Variants in ASIC2 observed in about 807,000 individuals in gnomAD.
ASIC2 encodes the protein acid sensing ion channel subunit 2.
A neutral mutation model predicts 57.3 loss-of-function variants in ASIC2; 25 were observed. The ratio of observed to expected loss-of-function variants is 0.44; its 90% CI spans 0.32 to 0.61. ASIC2 has a LOEUF of 0.61. Ranked by LOEUF, ASIC2 falls within the 20% of genes least tolerant of loss-of-function variation. The pLI is 0.06. For missense variants in ASIC2, 641 were observed against 738.1 expected (o/e 0.87, Z 1.52); for synonymous variants, 319 against 307.5 (o/e 1.04, Z -0.39).
At chr17:33,644,165 T>C (rs756415839) in intron 1 of ASIC2, among the ~76,000 whole-genome samples, 20 of 152,202 alleles carry the variant, frequency 1.3e-4, no homozygotes, top group Non-Finnish European at 2.6e-4. Context: ...AACTATGGGC[T>C]CGGGCAAGCC....
Position 33,860,731 on chromosome 17 carries a change from T to C in ASIC2, c.555+295247A>G, listed in dbSNP as rs547391169. The stretch of plus-strand genomic sequence containing the variant: ...TAGCATGAATTGATTCTTTCACAGA[T>C]ATATTTTTGCTGCCATTATGAAGCT... On this transcript the variant is annotated intron_variant, in intron 1 of 9. Transcript: ENST00000359872. 3.0e-4 allele frequency among the ~76,000 whole-genome samples: 45 copies of C among 152,350 alleles called. No homozygotes were observed. The South Asian group carries it at 7.7e-3, about 26-fold the overall frequency.
chr17:33,118,669 T>C (rs1185838825), intron 1 of ASIC2, among the ~76,000 whole-genome samples: 1 of 152,110 alleles, frequency 6.6e-6, no homozygotes, highest in Non-Finnish European at 1.5e-5. Context: ...AAACTTCTTA[T>C]TTTGCACCTG....
intron 1 of ASIC2, among the ~76,000 whole-genome samples, chr17:33,447,230 T>A (rs1912058878): frequency 6.6e-6 from 1 of 152,034 alleles, no homozygotes; most frequent in Non-Finnish European, 1.5e-5. Flanking sequence ...TTGAGGTGGG[T>A]GGCCGGACCT....
rs973764605 is a variant in ASIC2, at chr17:33,840,051, C to T, written c.555+315927G>A. Reference sequence around the variant, plus strand: ...CTGATATGCTCTTTTAGTCCTTCAACACCTGCATAAACTGTTTCTTCTATT... The same window carrying T: ...CTGATATGCTCTTTTAGTCCTTCAATACCTGCATAAACTGTTTCTTCTATT... On this transcript the variant is annotated intron_variant, in intron 1 of 9. Transcript: ENST00000359872. 3.3e-5 allele frequency among the ~76,000 whole-genome samples: 5 copies of T among 152,346 alleles called. No individual in the cohort carries two copies. The East Asian group carries it at 9.6e-4, about 29-fold the overall frequency.
intron 1 of ASIC2, among the ~76,000 whole-genome samples, chr17:33,218,612 A>G (rs1490895102): frequency 2.0e-5 from 3 of 150,274 alleles, no homozygotes; most frequent in Non-Finnish European, 3.0e-5. Flanking sequence ...TATCATTATT[A>G]TAAGTTGAGC....
At chr17:33,695,560 T>A (rs1908498960) in intron 1 of ASIC2, among the ~76,000 whole-genome samples, 1 of 152,260 alleles carries the variant, frequency 6.6e-6, no homozygotes, top group African/African-American at 2.4e-5. Flanking sequence ...TTCAGAAATC[T>A]GGCAAGCTGA....
chr17:33,894,894 G>A (rs1004587976), intron 1 of ASIC2, among the ~76,000 whole-genome samples: 1 of 152,102 alleles, frequency 6.6e-6, no homozygotes, highest in Non-Finnish European at 1.5e-5. Flanking sequence ...GATAAACATT[G>A]TCTGCACTCC....
intron 1 of ASIC2, among the ~76,000 whole-genome samples, chr17:33,986,209 T>A (rs1905812568): frequency 6.6e-6 from 1 of 151,972 alleles, no homozygotes; most frequent in Non-Finnish European, 1.5e-5. Flanking sequence ...GGAATCTGGT[T>A]TTTTTTCCTT....
intron 1 of ASIC2, among the ~76,000 whole-genome samples, chr17:33,954,461 C>T (rs868060035): frequency 2.0e-5 from 3 of 152,142 alleles, no homozygotes; most frequent in Non-Finnish European, 2.9e-5. Context: ...TGGGGCATCC[C>T]GGGAGGCTTA....
At chr17:33,055,442 C>G (rs552608184) in intron 3 of ASIC2, among the ~76,000 whole-genome samples, 1 of 152,336 alleles carries the variant, frequency 6.6e-6, no homozygotes, top group South Asian at 2.1e-4. Flanking sequence ...CCTGCTCCCC[C>G]GTCTGCTTCA....
At chr17:33,596,474 A>C (rs1904981642) in intron 1 of ASIC2, among the ~76,000 whole-genome samples, 1 of 152,180 alleles carries the variant, frequency 6.6e-6, no homozygotes, top group Non-Finnish European at 1.5e-5. Flanking sequence ...AGGAGCAAGA[A>C]TAAAGTTATT....
chr17:33,078,697 G>C (rs1014852135), intron 3 of ASIC2, among the ~76,000 whole-genome samples: 14 of 152,168 alleles, frequency 9.2e-5, no homozygotes, highest in African/African-American at 2.9e-4. Context: ...CAAAGTGCTA[G>C]GATTATAAGT....
At chr17:33,332,652 A>G (rs572891138) in intron 1 of ASIC2, among the ~76,000 whole-genome samples, 3 of 152,274 alleles carry the variant, frequency 2.0e-5, no homozygotes, top group African/African-American at 7.2e-5. Flanking sequence ...GCACTTTGGG[A>G]GGCTGAGGCA....
At chr17:33,457,409 C>T (rs1415619776) in intron 1 of ASIC2, among the ~76,000 whole-genome samples, 2 of 152,000 alleles carry the variant, frequency 1.3e-5, no homozygotes, top group Non-Finnish European at 2.9e-5. Context: ...GAGCTCAAAA[C>T]CTAATTGGGT....
At chr17:33,555,290 G>T (rs1254288712) in intron 1 of ASIC2, among the ~76,000 whole-genome samples, 2 of 152,202 alleles carry the variant, frequency 1.3e-5, no homozygotes, top group African/African-American at 2.4e-5. Context: ...TTGTTTTCCA[G>T]TGTAGACGGA....
chr17:33,072,952 C>T (rs147183958), intron 3 of ASIC2, among the ~76,000 whole-genome samples: 1 of 152,374 alleles, frequency 6.6e-6, no homozygotes, highest in East Asian at 1.9e-4. Context: ...AGCCTCTGTG[C>T]TGCCTGGATT....
intron 1 of ASIC2, among the ~76,000 whole-genome samples, chr17:33,526,467 A>G (rs992979087): frequency 6.6e-6 from 1 of 152,106 alleles, no homozygotes; most frequent in Non-Finnish European, 1.5e-5. Context: ...CCAATCTCCC[A>G]GCATGTCCCC....
At chr17:34,003,881 T>G (rs556110301) in intron 1 of ASIC2, 1 of 152,322 alleles carries the variant, frequency 6.6e-6, no homozygotes, top group Non-Finnish European at 1.5e-5. Flanking sequence ...TCCGTATCAT[T>G]GGCACTTGGC....
In ASIC2 at chr17:33,881,423, C is replaced by T. The variant is rs111612701; in HGVS notation, c.555+274555G>A. Reference sequence around the variant, plus strand: ...GCAACTTCAGCAAAGTCTCAGGATACAAAATCAATGTGCAAAAATCACAAG... The same window carrying T: ...GCAACTTCAGCAAAGTCTCAGGATATAAAATCAATGTGCAAAAATCACAAG... On this transcript the variant is annotated intron_variant, in intron 1 of 9. Coordinates refer to the ASIC2 transcript ENST00000359872. Among the ~76,000 whole-genome samples the T allele has an allele frequency of 5.3e-5, 8 of 151,286 alleles. No individual in the cohort carries two copies. In the East Asian group the frequency reaches 1.2e-3, roughly 22 times the overall value.
Sources: gnomAD v4.1 joint callset for allele counts (sites outside exome capture counted in the v4.1 genomes callset) on GRCh38, gnomAD v4.1.1 for gene constraint, MANE v1.5 for transcripts, NCBI Gene and HGNC (gene_info 2026-07-23, HGNC 2026-07-21) for gene names.